TENM3: variants seen among roughly 807,000 people sequenced by gnomAD.
TENM3 encodes teneurin-3.
A neutral mutation model predicts 255.1 loss-of-function variants in TENM3; 63 were observed. The ratio of observed to expected loss-of-function variants is 0.25; its 90% CI spans 0.20 to 0.30. The LOEUF (loss-of-function observed/expected upper bound fraction) is 0.30, where lower values mean the gene tolerates loss of function less well. Among genes scored for constraint, TENM3 ranks in the 10% least tolerant of loss-of-function variants. The pLI is 1.00. For synonymous variants in TENM3, 1,306 were observed against 1,322.3 expected (o/e 0.99, Z 0.27); for missense variants, 2,929 against 3,461.1 (o/e 0.85, Z 3.86).
the TENM3 span, among the ~76,000 whole-genome samples, chr4:181,574,156 A>T: frequency 6.6e-6 from 1 of 152,308 alleles, no homozygotes; most frequent in East Asian, 1.9e-4. Flanking sequence ...GTTGAGGAAA[A>T]ATCCTTTCAG....
At chr4:181,958,039 C>T in the TENM3 span, among the ~76,000 whole-genome samples, 1 of 152,202 alleles carries the variant, frequency 6.6e-6, no homozygotes, top group African/African-American at 2.4e-5. Context: ...AATTAACCTT[C>T]TCCATTAAAA....
chr4:181,658,318 C>T, the TENM3 span, among the ~76,000 whole-genome samples: 6 of 152,012 alleles, frequency 3.9e-5, no homozygotes, highest in Admixed American at 1.3e-4. Flanking sequence ...GGGAGATTGG[C>T]GGAACCACTG....
chr4:181,754,042 A>T, the TENM3 span, among the ~76,000 whole-genome samples: 1 of 152,162 alleles, frequency 6.6e-6, no homozygotes, highest in African/African-American at 2.4e-5. Flanking sequence ...TTTGCAAAAC[A>T]CTTTTTATAC....
chr4:182,229,348 A>G (rs1434654707), intron 1 of TENM3, among the ~76,000 whole-genome samples: 1 of 152,080 alleles, frequency 6.6e-6, no homozygotes, highest in Admixed American at 6.5e-5. Flanking sequence ...AAGAATAAAA[A>G]CCCCGTAATA....
intron 6 of TENM3, among the ~76,000 whole-genome samples, chr4:182,659,317 TGAGA>T (rs35257245): frequency 0.015 from 2,340 of 151,622 alleles, 66 homozygotes; most frequent in African/African-American, 0.054. Context: ...TAAGATACTT[TGAGA>T]GAGAGAGAGA....
the TENM3 span, among the ~76,000 whole-genome samples, chr4:181,763,173 A>G: frequency 6.6e-6 from 1 of 152,276 alleles, no homozygotes; most frequent in African/African-American, 2.4e-5. Context: ...GAGCTAAACT[A>G]CCATTACAAC....
At chr4:182,363,495 A>T (rs1409071458) in intron 3 of TENM3, among the ~76,000 whole-genome samples, 1 of 152,042 alleles carries the variant, frequency 6.6e-6, no homozygotes, top group Non-Finnish European at 1.5e-5. Flanking sequence ...TTTCCTCCTT[A>T]GTAACTGCCA....
chr4:182,564,973 T>C (rs1743628059), intron 3 of TENM3, among the ~76,000 whole-genome samples: 1 of 152,246 alleles, frequency 6.6e-6, no homozygotes, highest in South Asian at 2.1e-4. Flanking sequence ...CTTACTTATC[T>C]CCTGTTGTTG....
intron 24 of TENM3, among the ~76,000 whole-genome samples, chr4:182,786,555 T>TAA (rs1561251996): frequency 2.7e-5 from 2 of 75,002 alleles, no homozygotes; most frequent in African/African-American, 8.2e-5. Context: ...AGACCCCGTC[T>TAA]TAAAAAAAAA....
the TENM3 span, among the ~76,000 whole-genome samples, chr4:181,671,346 C>A: frequency 6.6e-6 from 1 of 151,956 alleles, no homozygotes; most frequent in African/African-American, 2.4e-5. Context: ...ATATCTGTAC[C>A]AGCTGTATTT....
intron 6 of TENM3, among the ~76,000 whole-genome samples, chr4:182,661,099 C>T (rs897808988): frequency 2.0e-5 from 3 of 151,016 alleles, no homozygotes; most frequent in South Asian, 2.1e-4. Context: ...TGTATGGATA[C>T]GAGTTGAAAA....
chr4:181,821,216 A>G, the TENM3 span, among the ~76,000 whole-genome samples: 2 of 152,012 alleles, frequency 1.3e-5, no homozygotes, highest in Non-Finnish European at 2.9e-5. Flanking sequence ...GGCTTTCCTC[A>G]CCGCATCTCA....
Position 182,228,392 on chromosome 4 carries a change from GTA to G in TENM3, c.-76+83642_-76+83643del, listed in dbSNP as rs59926138. On this transcript the variant is annotated intron_variant, in intron 1 of 2. Transcript: ENST00000512480. ...TGTGTGTGTGTGTGTGTGTGTGTGTGTATATGTAATCCCTCCCAGCTCTAAAA... is the reference window on the plus strand; with the variant it reads ...TGTGTGTGTGTGTGTGTGTGTGTGTGTATGTAATCCCTCCCAGCTCTAAAA... 2.3e-4 allele frequency among the ~76,000 whole-genome samples: 24 copies of G among 104,512 alleles called. 4 individuals are homozygous for G. The highest frequency in any genetic ancestry group is 8.5e-4 in the African/African-American group (19 of 22,472). 68.6% of individuals were successfully genotyped at this position (104,512 alleles called of 152,430 possible). A position where few individuals can be genotyped will look rare whatever the true frequency, so the allele number is the denominator to read the frequency against.
At chr4:181,902,003 A>T in the TENM3 span, among the ~76,000 whole-genome samples, 1 of 152,112 alleles carries the variant, frequency 6.6e-6, no homozygotes, top group African/African-American at 2.4e-5. Flanking sequence ...AGGACTGGAT[A>T]GTGTTAATCG....
chr4:181,502,057 T>C, the TENM3 span, among the ~76,000 whole-genome samples: 1 of 152,200 alleles, frequency 6.6e-6, no homozygotes, highest in Non-Finnish European at 1.5e-5. Flanking sequence ...CATCATTGCC[T>C]TCTGGAGTCA....
chr4:182,247,280 C>T (rs1213748311), intron 1 of TENM3, among the ~76,000 whole-genome samples: 2 of 152,046 alleles, frequency 1.3e-5, no homozygotes, highest in East Asian at 1.9e-4. Flanking sequence ...CTATGAAGAG[C>T]GCAGTCGGAA....
rs1751366851 is a variant in TENM3 at position 182,161,955 on chromosome 4, G to A, written c.-76+17201G>A. Among the ~76,000 whole-genome samples, 5 of 12,748 alleles carry A rather than the reference G, an allele frequency of 3.9e-4. 1 individual carries two copies. The highest frequency in any genetic ancestry group is 1.1e-3 in the Admixed American group (1 of 920). 8.4% of individuals were successfully genotyped at this position (12,748 alleles called of 152,430 possible). ...TACACATATATATATTTGTGTGTGT[G>A]TGTGTATATATATATATATATATAT... is the stretch of plus-strand genomic sequence containing the variant. On this transcript the variant is annotated intron_variant, in intron 1 of 2. Transcript: ENST00000512480.
At chr4:181,463,475 A>G in the TENM3 span, among the ~76,000 whole-genome samples, 2 of 151,978 alleles carry the variant, frequency 1.3e-5, no homozygotes, top group Non-Finnish European at 2.9e-5. Context: ...ACCTATCTTC[A>G]CTCAACTGGA....
chr4:182,705,781 A>G (rs1399966517), intron 12 of TENM3, among the ~76,000 whole-genome samples: 1 of 152,160 alleles, frequency 6.6e-6, no homozygotes, highest in African/African-American at 2.4e-5. Context: ...TTCTCGTCCA[A>G]CATTTGTACA....
Sources: gnomAD v4.1 joint callset for allele counts (sites outside exome capture counted in the v4.1 genomes callset) on GRCh38, gnomAD v4.1.1 for gene constraint, MANE v1.5 for transcripts, NCBI Gene and HGNC (gene_info 2026-07-23, HGNC 2026-07-21) for gene names.